Variants in ACOX3 observed in about 807,000 individuals in gnomAD.
ACOX3 encodes acyl-CoA oxidase 3, pristanoyl.
ACOX3 carries 73 observed loss-of-function variants against 81.5 expected under a neutral mutation model. That is an observed-to-expected ratio of 0.90 (90% CI 0.74 to 1.09). The LOEUF is 1.09. Among genes scored for constraint, ACOX3 ranks in the 50% least tolerant of loss-of-function variants. The pLI is 0.00. For synonymous variants in ACOX3, 387 were observed against 375.1 expected (o/e 1.03, Z -0.37); for missense variants, 947 against 928.0 (o/e 1.02, Z -0.27).
Position 8,370,779 on chromosome 4 carries a change from C to G in ACOX3, c.1983+129G>C, listed in dbSNP as rs1464258703. 1.3e-6 allele frequency: 1 copy of G among 779,172 alleles called. No homozygotes were observed. The highest frequency in any genetic ancestry group is 1.7e-5 in the African/African-American group (1 of 57,958). The allele number at this position is 779,172 out of a possible 1,614,324, so 48.3% of individuals were successfully genotyped here. On this transcript the variant is annotated intron_variant, in intron 17 of 17. Transcript: ENST00000356406. This position sits in a 1 kb window ranked among gnomAD's most constrained non-coding sequence, Gnocchi z 6.3. ...GTCCTGACTTGTCCCGGGCCCTCCC[C>G]AAGAAGCTCCTCCATGTGTGACCAC... is the stretch of plus-strand genomic sequence containing the variant.
chr4:8,402,199 G>A (rs539275444), intron 7 of ACOX3, among the ~76,000 whole-genome samples: 110 of 152,366 alleles, frequency 7.2e-4, no homozygotes, highest in African/African-American at 2.4e-3. Flanking sequence ...CCCTGGGGCC[G>A]GGTGGGGACG....
At position 8,394,855 on chromosome 4, in the gene ACOX3, T is replaced by G. The variant is rs976732407; in HGVS notation, c.1057-113A>C. 4.3e-6 allele frequency: 6 copies of G among 1,381,108 alleles called. No individual in the cohort carries two copies. The African/African-American group carries it at 4.4e-5, about 10-fold the overall frequency. The allele number at this position is 1,381,108 out of a possible 1,614,324, so 85.6% of individuals were successfully genotyped here. The stretch of plus-strand genomic sequence containing the variant: ...GAGGCCGTCAGGGCCACACACCCAC[T>G]AGCGCTGAAGGTCTTCACATGTCTT... On this transcript the variant is annotated intron_variant, in intron 9 of 17. Coordinates refer to ENST00000356406, the MANE Select transcript of ACOX3 (RefSeq NM_003501.3). The surrounding 1 kb of genome is among the most constrained non-coding windows in gnomAD (Gnocchi z 5.9).
the ACOX3 span, among the ~76,000 whole-genome samples, chr4:8,358,886 T>C: frequency 5.7e-4 from 87 of 152,316 alleles, 2 homozygotes; most frequent in East Asian, 0.016. Flanking sequence ...AGCCCTTTTT[T>C]TATTCCTTTA....
chr4:8,389,098 C>T lies in ACOX3; in HGVS notation c.1537+75G>A, dbSNP rs139709179. On this transcript the variant is annotated intron_variant, in intron 13 of 17. Coordinates refer to ENST00000356406, the MANE Select transcript of ACOX3 (RefSeq NM_003501.3). The surrounding 1 kb of genome is among the most constrained non-coding windows in gnomAD (Gnocchi z 5.3). ...CTGGAACTGCCAAGGGTCCCCTCACCGAGGCACGGTGCGTTTCCTGGTGGG... is the reference window on the plus strand; with the variant it reads ...CTGGAACTGCCAAGGGTCCCCTCACTGAGGCACGGTGCGTTTCCTGGTGGG... The T allele has an allele frequency of 1.0e-4, 134 of 1,296,302 alleles. No homozygotes were observed. The highest frequency in any genetic ancestry group is 2.1e-4 in the Middle Eastern group (1 of 4,858). 80.3% of individuals were successfully genotyped at this position (1,296,302 alleles called of 1,614,324 possible).
intron 1 of ACOX3, among the ~76,000 whole-genome samples, chr4:8,422,801 T>C (rs1453912375): frequency 1.3e-5 from 2 of 152,196 alleles, no homozygotes; most frequent in East Asian, 1.9e-4. Flanking sequence ...AGGGAAACGC[T>C]GGGCAAATCA....
At chr4:8,362,255 A>G (rs1199599891), downstream of ACOX3, among the ~76,000 whole-genome samples, 1 of 152,262 alleles carries the variant, frequency 6.6e-6, no homozygotes, top group Non-Finnish European at 1.5e-5. Context: ...GGAGTTAACT[A>G]AATTAACTGA....
intron 11 of ACOX3, among the ~76,000 whole-genome samples, chr4:8,392,030 A>G (rs1373966735): frequency 6.6e-6 from 1 of 152,254 alleles, no homozygotes; most frequent in East Asian, 1.9e-4. Flanking sequence ...AGTGGGATCT[A>G]TCTAGGGCAG....
At chr4:8,380,855 C>A (rs1717556353) in intron 14 of ACOX3, among the ~76,000 whole-genome samples, 1 of 152,136 alleles carries the variant, frequency 6.6e-6, no homozygotes, top group African/African-American at 2.4e-5. Flanking sequence ...CAGACACATC[C>A]GGGAGCCCTA....
chr4:8,375,471 G>C (rs62286000), intron 14 of ACOX3, among the ~76,000 whole-genome samples: 4,177 of 152,332 alleles, frequency 0.027, 77 homozygotes, highest in South Asian at 0.07. Flanking sequence ...GCCGGCCTCG[G>C]GATGCTCTGC....
chr4:8,414,525 T>G lies in ACOX3; in HGVS notation c.454-144A>C. The stretch of plus-strand genomic sequence containing the variant: ...CCATCTACCCAACTAGTGACTTGAC[T>G]GAGTCATGCTGCCACACTCAGCTGG... On this transcript the variant is annotated intron_variant, in intron 4 of 17. Transcript: ENST00000356406. The surrounding 1 kb of genome is among the most constrained non-coding windows in gnomAD (Gnocchi z 6.1). The G allele has an allele frequency of 1.3e-6, 1 of 785,340 alleles. No individual in the cohort carries two copies. Among genetic ancestry groups the G allele is most frequent in the Non-Finnish European group, 2.1e-6 (1 of 473,308 alleles). 48.6% of individuals were successfully genotyped at this position (785,340 alleles called of 1,614,324 possible).
chr4:8,398,424 C>T (rs762416280), intron 8 of ACOX3, among the ~76,000 whole-genome samples: 2 of 152,136 alleles, frequency 1.3e-5, no homozygotes, highest in Non-Finnish European at 2.9e-5. Context: ...CAACCAAAAG[C>T]CTTCTTCCCC....
At chr4:8,408,250 A>G (rs1578949989) in intron 6 of ACOX3, among the ~76,000 whole-genome samples, 1 of 146,586 alleles carries the variant, frequency 6.8e-6, no homozygotes, top group African/African-American at 2.5e-5. Context: ...AGATTCAGAC[A>G]CTGTCTCACA....
At chr4:8,356,796 G>A in the ACOX3 span, 2 of 456,500 alleles carry the variant, frequency 4.4e-6, no homozygotes, top group East Asian at 1.4e-4. Context: ...GGAAGAAAGT[G>A]AGCAGAATGG....
At chr4:8,372,514 A>ACCGC (rs1716342733) in intron 16 of ACOX3, among the ~76,000 whole-genome samples, 1 of 152,144 alleles carries the variant, frequency 6.6e-6, no homozygotes, top group East Asian at 1.9e-4. Flanking sequence ...ACACTGCCCC[A>ACCGC]AGGGGGTAAA....
At position 8,419,579 on chromosome 4, in the gene ACOX3, T is replaced by C. The variant is rs1480338899; in HGVS notation, c.-14-3044A>G. On this transcript the variant is annotated intron_variant, in intron 1 of 17. Coordinates refer to ENST00000356406, the MANE Select transcript of ACOX3 (RefSeq NM_003501.3). This position sits in a 1 kb window ranked among gnomAD's most constrained non-coding sequence, Gnocchi z 4.2. Reference sequence around the variant, plus strand: ...GAGAACAGTGTGGCAGTTCCACAAGTGATTAAACATGGAGTGACCACATGA... The same window carrying C: ...GAGAACAGTGTGGCAGTTCCACAAGCGATTAAACATGGAGTGACCACATGA... Among the ~76,000 whole-genome samples the C allele has an allele frequency of 2.6e-5, 4 of 152,004 alleles. No homozygotes were observed. Among genetic ancestry groups the C allele is most frequent in the Non-Finnish European group, 5.9e-5 (4 of 68,012 alleles).
chr4:8,406,669 G>A lies in ACOX3; in HGVS notation c.688-626C>T, dbSNP rs1721000881. ...GGGTCACATGTCCACTGGACAGGGG[G>A]CCCTTCCCTGCCTGGCAGCTGAGGC... On this transcript the variant is annotated intron_variant, in intron 6 of 17. Transcript: ENST00000356406. The surrounding 1 kb of genome is among the most constrained non-coding windows in gnomAD (Gnocchi z 5.6). 6.6e-6 allele frequency among the ~76,000 whole-genome samples: 1 copy of A among 152,232 alleles called. No individual in the cohort carries two copies. The highest frequency in any genetic ancestry group is 2.1e-4 in the South Asian group (1 of 4,830).
At chr4:8,387,202 G>A (rs1718415822) in intron 13 of ACOX3, among the ~76,000 whole-genome samples, 2 of 152,356 alleles carry the variant, frequency 1.3e-5, no homozygotes, top group East Asian at 1.9e-4. Context: ...AGTGCTTTAC[G>A]TGCATGAACT....
the ACOX3 span, chr4:8,356,476 C>G: frequency 2.3e-6 from 1 of 443,344 alleles, no homozygotes; most frequent in Non-Finnish European, 4.6e-6. Context: ...CTTGTACATT[C>G]ATGTTACTTG....
chr4:8,418,872 AC>A (rs1722625864), intron 1 of ACOX3, among the ~76,000 whole-genome samples: 1 of 152,214 alleles, frequency 6.6e-6, no homozygotes, highest in South Asian at 2.1e-4. Flanking sequence ...AGAAAACAAA[AC>A]AAACAAACAA....
Sources: allele counts gnomAD v4.1 joint callset (sites outside exome capture counted in the v4.1 genomes callset), GRCh38; gene constraint gnomAD v4.1.1; non-coding constraint Gnocchi (gnomAD v3.1); transcripts MANE v1.5; gene names NCBI Gene and HGNC (gene_info 2026-07-23, HGNC 2026-07-21).